The following AP3D1 variants were observed in gnomAD, a reference collection of about 807,000 sequenced individuals.
AP3D1 encodes the protein AP-3 complex subunit delta-1.
A neutral mutation model predicts 147.6 loss-of-function variants in AP3D1; 51 were observed. The observed-to-expected ratio is 0.35, with a 90% confidence interval of 0.28 to 0.44. The LOEUF is 0.44. Among genes scored for constraint, AP3D1 ranks in the 20% least tolerant of loss-of-function variants. The pLI is 1.00. For synonymous variants in AP3D1, 760 were observed against 663.0 expected (o/e 1.15, Z -2.25); for missense variants, 1,421 against 1,624.2 (o/e 0.87, Z 2.15).
upstream of AP3D1, among the ~76,000 whole-genome samples, chr19:2,153,906 T>A (rs1372698042): frequency 1.2e-5 from 1 of 84,960 alleles, no homozygotes; most frequent in Non-Finnish European, 3.8e-5. Flanking sequence ...AGTGGCGCGA[T>A]CTCCGCTCAC....
intron 9 of AP3D1, among the ~76,000 whole-genome samples, chr19:2,125,689 G>C (rs951987779): frequency 3.9e-5 from 6 of 152,124 alleles, no homozygotes; most frequent in African/African-American, 1.4e-4. Flanking sequence ...GATTACCCAG[G>C]TAGGAACAAA....
intron 4 of AP3D1, among the ~76,000 whole-genome samples, chr19:2,132,965 A>G (rs1293510117): frequency 6.6e-6 from 1 of 152,142 alleles, no homozygotes; most frequent in Non-Finnish European, 1.5e-5. Context: ...GTGGGAATCA[A>G]CCGAGTTTCC....
chr19:2,122,849 T>C (rs1380387041), intron 11 of AP3D1, among the ~76,000 whole-genome samples: 4 of 152,142 alleles, frequency 2.6e-5, no homozygotes, highest in Admixed American at 2.0e-4. Flanking sequence ...AAAATGAGCA[T>C]CCAAAACACC....
At chr19:2,145,043 G>A (rs1275147184) in intron 1 of AP3D1, among the ~76,000 whole-genome samples, 1 of 152,176 alleles carries the variant, frequency 6.6e-6, no homozygotes, top group African/African-American at 2.4e-5. Context: ...TAAATATACT[G>A]AAATCTACTT....
rs755040082 is a variant in AP3D1, at chr19:2,117,287, A to G, written c.1794T>C (p.Ala598=). 3 of 1,612,458 alleles carry G rather than the reference A, an allele frequency of 1.9e-6. No homozygotes were observed. Among genetic ancestry groups the G allele is most frequent in the African/African-American group, 2.7e-5 (2 of 74,870 alleles). Residue 598 remains alanine (A), a synonymous_variant, in exon 16 of 32, where the codon GCT becomes GCC. Transcript: ENST00000643116. ...CTGGGTTCAGCTCCCCAGCAAAGAG[A>G]GCGCTGACCTCCTCTGCCACAGGCA... ...KDVPVAEEVS[A]LFAGELNPVA...
Position 2,116,296 on chromosome 19 carries a change from G to A in AP3D1, c.2002-18C>T. The A allele has an allele frequency of 6.2e-7, 1 of 1,612,676 alleles. No individual in the cohort carries two copies. Among genetic ancestry groups the A allele is most frequent in the Non-Finnish European group, 8.5e-7 (1 of 1,179,526 alleles). On this transcript the variant is annotated intron_variant, in intron 17 of 31. Transcript: ENST00000643116. ...TCTCGGCGCTGTGGGACACAGCTTG[G>A]CATGAGCCCGAGAGAAGCGGGCAGG...
In AP3D1 at chr19:2,109,800, G is replaced by A. The variant is rs182691546; in HGVS notation, c.3350+73C>T. ...CCTGCCCAGAAGCCTCAGTCCCCGG[G>A]GCACAGGTGTCTGCAAGGTAGAGGG... On this transcript the variant is annotated intron_variant, in intron 29 of 31. Transcript: ENST00000643116. 2.3e-5 allele frequency: 32 copies of A among 1,416,602 alleles called. No individual in the cohort carries two copies. In the African/African-American group the frequency reaches 3.4e-4, roughly 15 times the overall value. The allele number at this position is 1,416,602 out of a possible 1,614,324, so 87.8% of individuals were successfully genotyped here.
intron 1 of AP3D1, among the ~76,000 whole-genome samples, chr19:2,141,993 T>C (rs1438877180): frequency 2.7e-5 from 4 of 149,344 alleles, no homozygotes; most frequent in South Asian, 2.1e-4. Flanking sequence ...TATATATACA[T>C]TTATTTACAT....
At position 2,117,234 on chromosome 19, in the gene AP3D1, G is replaced by A; in HGVS notation, c.1847C>T (p.Pro616Leu). 1.2e-6 allele frequency: 2 copies of A among 1,609,698 alleles called. No individual in the cohort carries two copies. Among genetic ancestry groups the A allele is most frequent in the Non-Finnish European group, 1.7e-6 (2 of 1,178,062 alleles). Residue 616 changes from proline (P) to leucine (L), a missense_variant, in exon 16 of 32, where the codon CCA (proline) becomes CTA (leucine). Pro to Leu is a moderately conservative substitution (Grantham distance 98). Transcript: ENST00000643116. The stretch of plus-strand genomic sequence containing the variant: ...CCCGTATCCTTACCCTTCGGGGACT[G>A]GAACCTTCTTCTGGGCCTTGGGGGC... ...PVAPKAQKKV[P>L]VPEGLDLDAW...
In AP3D1 at chr19:2,123,206, G is replaced by C. The variant is rs937903765; in HGVS notation, c.955+152C>G. The C allele has an allele frequency of 1.5e-5, 12 of 796,106 alleles. No homozygotes were observed. In the African/African-American group the frequency reaches 1.9e-4, roughly 13 times the overall value. The allele number at this position is 796,106 out of a possible 1,614,324, so 49.3% of individuals were successfully genotyped here. On this transcript the variant is annotated intron_variant, in intron 11 of 31. Coordinates refer to ENST00000643116, the MANE Select transcript of AP3D1 (RefSeq NM_001261826.3). ...GGTGCAAGGGCGCCACAGGGCACTGGCAGAGGGCTGCCTCTGAGGCAGAGT... is the reference window on the plus strand; with the variant it reads ...GGTGCAAGGGCGCCACAGGGCACTGCCAGAGGGCTGCCTCTGAGGCAGAGT...
rs1172883654 is a variant in AP3D1 at position 2,115,348 on chromosome 19, G to A, written c.2220C>T (p.Asp740=). ...ERRHRQKLEK[D]KRRKKRKEKE... The stretch of plus-strand genomic sequence containing the variant: ...TCTCCTTCCTCTTTTTCCTCCTCTT[G>A]TCCTTCTCCAGCTTCTGCCGGTGCC... Residue 740 remains aspartate (D), a synonymous_variant, in exon 20 of 32, where the codon GAC becomes GAT. Transcript: ENST00000643116. 8 of 1,609,010 alleles carry A rather than the reference G, an allele frequency of 5.0e-6. No individual in the cohort carries two copies. Among genetic ancestry groups the A allele is most frequent in the Middle Eastern group, 1.6e-4 (1 of 6,062 alleles).
intron 15 of AP3D1, among the ~76,000 whole-genome samples, chr19:2,117,852 C>T (rs1247791514): frequency 4.6e-5 from 7 of 152,240 alleles, no homozygotes; most frequent in Non-Finnish European, 2.9e-5. Context: ...GACAGGCTGA[C>T]GCCACTCCCG....
rs868268694 is a variant in AP3D1, at chr19:2,109,579, G to A, written c.3350+294C>T. The A allele has an allele frequency of 1.6e-5, 8 of 501,984 alleles. No homozygotes were observed. The South Asian group carries it at 2.1e-4, about 13-fold the overall frequency. The allele number at this position is 501,984 out of a possible 1,614,324, so 31.1% of individuals were successfully genotyped here. A position where few individuals can be genotyped will look rare whatever the true frequency, so the allele number is the denominator to read the frequency against. ...GCCGCACGCCAAGCCGTGCCGAGGA[G>A]AGGCTTCAGGAGGAGCCTGCCCTGC... On this transcript the variant is annotated intron_variant, in intron 29 of 31. Coordinates refer to ENST00000643116, the MANE Select transcript of AP3D1 (RefSeq NM_001261826.3).
At chr19:2,124,312 C>T (rs747209909) in intron 9 of AP3D1, among the ~76,000 whole-genome samples, 4 of 152,224 alleles carry the variant, frequency 2.6e-5, no homozygotes, top group African/African-American at 9.6e-5. Flanking sequence ...GAAGCACATC[C>T]GGCAGGACTC....
At chr19:2,157,259 G>A (rs902925790) in intron 1 of AP3D1, among the ~76,000 whole-genome samples, 68 of 151,068 alleles carry the variant, frequency 4.5e-4, no homozygotes, top group African/African-American at 1.4e-3. Context: ...CGGCTAAAAC[G>A]GTGAAACCCC....
intron 1 of AP3D1, among the ~76,000 whole-genome samples, chr19:2,150,642 T>C (rs1034759143): frequency 6.6e-6 from 1 of 152,138 alleles, no homozygotes; most frequent in Non-Finnish European, 1.5e-5. Context: ...CCCAAGACCC[T>C]GCCTGGTTCC....
chr19:2,106,468 G>A (rs1011225485), intron 31 of AP3D1, among the ~76,000 whole-genome samples: 5 of 152,154 alleles, frequency 3.3e-5, no homozygotes, highest in Admixed American at 6.5e-5. Flanking sequence ...AGAACTGCTT[G>A]AACCTGGGAG....
intron 1 of AP3D1, among the ~76,000 whole-genome samples, chr19:2,145,492 T>C (rs940813391): frequency 3.9e-5 from 6 of 152,146 alleles, no homozygotes; most frequent in African/African-American, 1.4e-4. Context: ...TATCTAGGCA[T>C]GGAGTGGGTG....
chr19:2,116,341 C>T, intron 17 of AP3D1, 63 bp from the exon 18 acceptor site: 1 of 1,509,458 alleles, frequency 6.6e-7, no homozygotes, highest in Admixed American at 1.9e-5. Context: ...TGTGGACGTC[C>T]ACCACCAGCC....
Sources: gnomAD v4.1 joint callset for allele counts (sites outside exome capture counted in the v4.1 genomes callset) on GRCh38, gnomAD v4.1.1 for gene constraint, MANE v1.5 for transcripts, NCBI Gene and HGNC (gene_info 2026-07-23, HGNC 2026-07-21) for gene names.